KAT6B: variants seen among roughly 807,000 people sequenced by gnomAD.
KAT6B encodes lysine acetyltransferase 6B, also known as histone acetyltransferase KAT6B.
In KAT6B, 10 loss-of-function variants were observed where a neutral mutation model predicts 187.5. The ratio of observed to expected loss-of-function variants is 0.05; its 90% CI spans 0.03 to 0.09. The LOEUF is 0.09. Among genes scored for constraint, KAT6B ranks in the 10% least tolerant of loss-of-function variants. KAT6B has a pLI of 1.00. For missense variants in KAT6B, 1,952 were observed against 2,558.9 expected, an observed-to-expected ratio of 0.76 and a Z score of 5.12; for synonymous variants, 861 against 926.8, an observed-to-expected ratio of 0.93 and a Z score of 1.29.
At chr10:74,946,837 T>A (rs926960164) in intron 3 of KAT6B, among the ~76,000 whole-genome samples, 4 of 152,194 alleles carry the variant, frequency 2.6e-5, no homozygotes, top group African/African-American at 9.7e-5. Context: ...TATTTAAAGC[T>A]CATCAAACTG....
chr10:74,964,638 A>G (rs769351872), intron 4 of KAT6B, among the ~76,000 whole-genome samples: 6 of 152,290 alleles, frequency 3.9e-5, no homozygotes, highest in Middle Eastern at 6.8e-3. Flanking sequence ...AGGCACCTCA[A>G]AGTTAATATC....
chr10:74,850,242 A>G (rs1842391501), intron 3 of KAT6B, among the ~76,000 whole-genome samples: 1 of 152,162 alleles, frequency 6.6e-6, no homozygotes, highest in Admixed American at 6.5e-5. Context: ...AGTTCTTCAA[A>G]TGATTAGAAG....
chr10:74,984,654 T>C, intron 11 of KAT6B: 1 of 187,240 alleles, frequency 5.3e-6, no homozygotes, highest in East Asian at 1.4e-4. Flanking sequence ...ATTTTAGTTT[T>C]ATGTGAAACC....
At chr10:74,942,225 C>G (rs916028676) in intron 3 of KAT6B, among the ~76,000 whole-genome samples, 1 of 152,058 alleles carries the variant, frequency 6.6e-6, no homozygotes, top group Admixed American at 6.6e-5. Flanking sequence ...AACATAAACA[C>G]AGATTTTTTT....
intron 3 of KAT6B, among the ~76,000 whole-genome samples, chr10:74,870,636 A>G (rs989997479): frequency 2.0e-5 from 3 of 152,078 alleles, no homozygotes; most frequent in Admixed American, 1.3e-4. Flanking sequence ...CTGGAGTGCA[A>G]TGGTGGATCT....
rs758666823 is a variant in KAT6B, at chr10:74,843,034, A to G, written c.177A>G (p.Ser59=). 12 of 1,614,236 alleles carry G rather than the reference A, an allele frequency of 7.4e-6. No individual in the cohort carries two copies. Among genetic ancestry groups the G allele is most frequent in the East Asian group, 2.2e-5 (1 of 44,888 alleles). ...TGGAACTCAGTGTTCAGGATGGCTCAGTTCTCAAAGTCACCAACAAAGGCC... is the reference window on the plus strand; with the variant it reads ...TGGAACTCAGTGTTCAGGATGGCTCGGTTCTCAAAGTCACCAACAAAGGCC... The part of the protein sequence containing the change: ...EQLELSVQDG[S]VLKVTNKGLA... Residue 59 remains serine, a synonymous_variant, in exon 3 of 18, where the codon TCA becomes TCG. Transcript: ENST00000287239.
intron 12 of KAT6B, among the ~76,000 whole-genome samples, chr10:74,988,804 C>G (rs1479232602): frequency 6.6e-6 from 1 of 152,134 alleles, no homozygotes; most frequent in South Asian, 2.1e-4. Context: ...CACTGACTTT[C>G]AAGAATAAAG....
intron 13 of KAT6B, among the ~76,000 whole-genome samples, chr10:75,009,805 A>G (rs1355909734): frequency 6.6e-6 from 1 of 152,170 alleles, no homozygotes; most frequent in Non-Finnish European, 1.5e-5. Flanking sequence ...CAGGAGTTCG[A>G]GACCAGCCTA....
rs1840252003 is a variant in KAT6B at position 74,826,667 on chromosome 10, AC to A, written c.-443del. 6.5e-6 allele frequency: 1 copy of A among 153,234 alleles called. No homozygotes were observed. The highest frequency in any genetic ancestry group is 2.4e-5 in the African/African-American group (1 of 41,164). 9.5% of individuals were successfully genotyped at this position (153,234 alleles called of 1,614,324 possible). A position where few individuals can be genotyped will look rare whatever the true frequency, so the allele number is the denominator to read the frequency against. ...ACAAAATGGCGGCGGCTTAGCTCCT[AC>A]CCCTGGCGGCGGCGGCAGCGGTGGC... On this transcript the variant is annotated 5_prime_UTR_variant, in exon 1 of 18. It introduces an in-frame stop codon into an upstream open reading frame of the 5' UTR. Coordinates refer to ENST00000287239, the MANE Select transcript of KAT6B (RefSeq NM_012330.4).
chr10:75,005,006 T>G (rs1170934362), intron 13 of KAT6B, among the ~76,000 whole-genome samples: 1 of 151,924 alleles, frequency 6.6e-6, no homozygotes, highest in Non-Finnish European at 1.5e-5. Flanking sequence ...TGAGCCACTA[T>G]GCCCTGAGCT....
At chr10:74,984,480 T>C (rs1842705574) in intron 11 of KAT6B, 1 of 153,860 alleles carries the variant, frequency 6.5e-6, no homozygotes, top group Non-Finnish European at 1.4e-5. Context: ...GTAATCATAG[T>C]GCTTATTGTA....
chr10:74,832,583 C>T (rs979881700), intron 1 of KAT6B, among the ~76,000 whole-genome samples: 14 of 152,016 alleles, frequency 9.2e-5, no homozygotes, highest in African/African-American at 2.9e-4. Flanking sequence ...CTCACTGCAA[C>T]CTCCACCTCC....
At chr10:75,025,934 T>A (rs1197603383) in intron 17 of KAT6B, 1 of 152,530 alleles carries the variant, frequency 6.6e-6, no homozygotes, top group African/African-American at 2.4e-5. Flanking sequence ...CTGAGGCAGC[T>A]GGATCACTTG....
intron 2 of KAT6B, among the ~76,000 whole-genome samples, chr10:74,839,562 C>T (rs1397761063): frequency 6.6e-6 from 1 of 152,142 alleles, no homozygotes; most frequent in East Asian, 1.9e-4. Flanking sequence ...CGTTCGTTTG[C>T]TTGTGTAACA....
At chr10:74,970,922 T>A (rs768736178) in intron 6 of KAT6B, among the ~76,000 whole-genome samples, 4 of 152,186 alleles carry the variant, frequency 2.6e-5, no homozygotes, top group Non-Finnish European at 4.4e-5. Flanking sequence ...TTTTAATAAG[T>A]ATGTAGAACT....
intron 13 of KAT6B, among the ~76,000 whole-genome samples, chr10:75,008,822 T>C (rs953810834): frequency 6.6e-6 from 1 of 152,224 alleles, no homozygotes; most frequent in Non-Finnish European, 1.5e-5. Context: ...AATTGGAAGC[T>C]TTTTAGAGGA....
At chr10:74,985,356 T>C (rs1413104057) in intron 12 of KAT6B, 115 bp downstream of exon 12, 1 of 1,072,892 alleles carries the variant, frequency 9.3e-7, no homozygotes, top group East Asian at 2.5e-5. Context: ...ACATGTGTTT[T>C]TGAAAAGCTC....
intron 3 of KAT6B, among the ~76,000 whole-genome samples, chr10:74,946,292 G>A (rs1839946626): frequency 6.6e-6 from 1 of 152,062 alleles, no homozygotes; most frequent in Non-Finnish European, 1.5e-5. Flanking sequence ...TTTACTTCCT[G>A]ATATTGGTGA....
intron 12 of KAT6B, among the ~76,000 whole-genome samples, chr10:74,985,852 C>A (rs1466184963): frequency 1.3e-5 from 2 of 152,144 alleles, no homozygotes; most frequent in African/African-American, 4.8e-5. Context: ...AGAGACCATC[C>A]TGGCCAACAT....
Sources: allele counts gnomAD v4.1 joint callset (sites outside exome capture counted in the v4.1 genomes callset), GRCh38; gene constraint gnomAD v4.1.1; transcripts MANE v1.5; gene names NCBI Gene and HGNC (gene_info 2026-07-23, HGNC 2026-07-21).